The following CPAMD8 variants were observed in gnomAD, a reference collection of about 807,000 sequenced individuals.
CPAMD8 encodes C3 and PZP-like alpha-2-macroglobulin domain-containing protein 8.
A neutral mutation model predicts 224.7 loss-of-function variants in CPAMD8; 146 were observed. The ratio of observed to expected loss-of-function variants is 0.65; its 90% CI spans 0.57 to 0.75. The LOEUF (loss-of-function observed/expected upper bound fraction) is 0.75. Among genes scored for constraint, CPAMD8 ranks in the 30% least tolerant of loss-of-function variants. The probability of loss-of-function intolerance (pLI) is 0.00; values close to 1 mark genes in which losing one functional copy is unlikely to be tolerated. For missense variants in CPAMD8, 2,301 were observed against 2,537.5 expected (o/e 0.91, Z 2.00); for synonymous variants, 966 against 1,044.6 (o/e 0.92, Z 1.45).
At chr19:16,978,195 C>T (rs1415917525) in intron 14 of CPAMD8, among the ~76,000 whole-genome samples, 3 of 152,054 alleles carry the variant, frequency 2.0e-5, no homozygotes, top group African/African-American at 7.3e-5. Context: ...AGCGGGGACA[C>T]AAGGAAACTC....
intron 18 of CPAMD8, among the ~76,000 whole-genome samples, chr19:16,969,010 G>A (rs773092114): frequency 3.3e-5 from 5 of 152,166 alleles, no homozygotes; most frequent in Non-Finnish European, 7.3e-5. Context: ...TAGAGTTGGA[G>A]AAGAAGGAGA....
intron 10 of CPAMD8, among the ~76,000 whole-genome samples, chr19:16,999,717 T>C (rs961334979): frequency 6.6e-6 from 1 of 152,230 alleles, no homozygotes; most frequent in Non-Finnish European, 1.5e-5. Context: ...TCTCACTATG[T>C]TGCCCAGGCT....
chr19:16,902,895 A>T (rs778491439), intron 34 of CPAMD8, 32 bp from the exon 35 acceptor site: 2 of 1,428,658 alleles, frequency 1.4e-6, no homozygotes, highest in South Asian at 2.8e-5. Flanking sequence ...AGGCTTAGGG[A>T]CCTGGGCCCT....
intron 29 of CPAMD8, among the ~76,000 whole-genome samples, chr19:16,914,203 C>A (rs879329936): frequency 6.6e-6 from 1 of 152,080 alleles, no homozygotes; most frequent in Non-Finnish European, 1.5e-5. Flanking sequence ...CAACATGTGC[C>A]CAATTTCCCC....
At chr19:16,918,747 C>CTTTT (rs3029467) in intron 27 of CPAMD8, among the ~76,000 whole-genome samples, 1 of 127,492 alleles carries the variant, frequency 7.8e-6, no homozygotes. Flanking sequence ...CACACCCAGA[C>CTTTT]TTTTTTTTTT....
At chr19:17,017,035 A>G (rs539008615) in intron 3 of CPAMD8, among the ~76,000 whole-genome samples, 1 of 152,216 alleles carries the variant, frequency 6.6e-6, no homozygotes, top group East Asian at 1.9e-4. Context: ...TGGGTGAGCA[A>G]ATGAACCTTC....
intron 9 of CPAMD8, among the ~76,000 whole-genome samples, chr19:17,001,321 A>C (rs2056309566): frequency 8.9e-5 from 1 of 11,260 alleles, no homozygotes; most frequent in Non-Finnish European, 2.2e-4. Flanking sequence ...ACTCCGTCTG[A>C]AAAAAAAAAA....
At chr19:16,942,053 C>G (rs887171413) in intron 22 of CPAMD8, among the ~76,000 whole-genome samples, 1 of 152,116 alleles carries the variant, frequency 6.6e-6, no homozygotes, top group Non-Finnish European at 1.5e-5. Context: ...ATGTAAGACA[C>G]GCCTGCTTCT....
chr19:16,954,798 C>T (rs999396561), intron 19 of CPAMD8, among the ~76,000 whole-genome samples: 1 of 151,984 alleles, frequency 6.6e-6, no homozygotes, highest in Non-Finnish European at 1.5e-5. Flanking sequence ...TCCTGGTCAA[C>T]ATGGTGAAAC....
Position 16,928,004 on chromosome 19 carries a change from C to A in CPAMD8, c.3370+5G>T. 3 of 1,602,982 alleles carry A rather than the reference C, an allele frequency of 1.9e-6. No individual in the cohort carries two copies. The highest frequency in any genetic ancestry group is 2.6e-6 in the Non-Finnish European group (3 of 1,169,960). On this transcript the variant is annotated splice_donor_5th_base_variant and intron_variant, in intron 25 of 41. Coordinates refer to ENST00000443236, the MANE Select transcript of CPAMD8 (RefSeq NM_015692.5). Reference sequence around the variant, plus strand: ...TCTCCAAGCCAGGCTGTGGGACAGACGCACCGATGATGGAGGCGGTGGCTC... The same window carrying A: ...TCTCCAAGCCAGGCTGTGGGACAGAAGCACCGATGATGGAGGCGGTGGCTC...
At chr19:16,993,612 C>A (rs760863194) in intron 11 of CPAMD8, 26 bp from the exon 12 acceptor site, 1 of 1,610,866 alleles carries the variant, frequency 6.2e-7, no homozygotes, top group African/African-American at 1.3e-5. Flanking sequence ...CAAGACACAA[C>A]AGAGTTAAGA....
At chr19:16,962,722 C>A (rs1292241311) in intron 18 of CPAMD8, among the ~76,000 whole-genome samples, 1 of 152,068 alleles carries the variant, frequency 6.6e-6, no homozygotes, top group African/African-American at 2.4e-5. Context: ...GGAAGAGCAA[C>A]CCCAAGACAC....
Position 16,925,240 on chromosome 19 carries a change from A to T in CPAMD8, c.3503T>A (p.Leu1168His). 6.2e-7 allele frequency: 1 copy of T among 1,614,196 alleles called. No homozygotes were observed. Among genetic ancestry groups the T allele is most frequent in the Non-Finnish European group, 8.5e-7 (1 of 1,180,046 alleles). The change falls in exon 26 of 42, where the codon CTC becomes CAC. Residue 1168 changes from leucine to histidine, a missense_variant. Leu to His is a moderately conservative substitution (Grantham distance 99, BLOSUM62 -3). Around this residue, in one of 4 missense-constraint regions of CPAMD8, gnomAD observed 1,709 missense variants for 1,753.2 expected, o/e 0.97. Transcript: ENST00000443236. Reference sequence around the variant, plus strand: ...GGTCTCTCTCTCCACCTCAGGGCTGAGCTGCTGGGTTTTCTGAAGATACTT... The same window carrying T: ...GGTCTCTCTCTCCACCTCAGGGCTGTGCTGCTGGGTTTTCTGAAGATACTT... ...VLKYLQKTQQLSPEVERETTD... is the reference protein window; with the variant it reads ...VLKYLQKTQQHSPEVERETTD...
chr19:16,945,758 G>T, intron 21 of CPAMD8, 79 bp from the exon 22 acceptor site: 4 of 1,344,620 alleles, frequency 3.0e-6, no homozygotes, highest in South Asian at 1.2e-5. Flanking sequence ...CCTTATCCCA[G>T]ATGTGTGTGC....
chr19:16,900,441 C>CA (rs536517794), intron 36 of CPAMD8, among the ~76,000 whole-genome samples: 2 of 151,512 alleles, frequency 1.3e-5, no homozygotes, highest in Admixed American at 6.6e-5. Context: ...CTACTCAATA[C>CA]AAAAAAATTA....
chr19:16,993,347 CCCAGCCTGGGGGAGGCCCCAAGT>C, intron 12 of CPAMD8, 46 bp downstream of exon 12: 1 of 1,399,380 alleles, frequency 7.1e-7, no homozygotes. Context: ...GGTGCCTGCA[CCCAGCCTGGGGGAGGCCCCAAGT>C]CCATACCTGC....
At chr19:16,896,896 G>C (rs1033328594) in intron 39 of CPAMD8, 21 of 389,812 alleles carry the variant, frequency 5.4e-5, no homozygotes, top group Non-Finnish European at 8.6e-5. Context: ...GCGGTTGTAG[G>C]AGAGAAAGGA....
chr19:16,942,340 T>C (rs1352214443), intron 22 of CPAMD8, among the ~76,000 whole-genome samples: 3 of 151,922 alleles, frequency 2.0e-5, no homozygotes, highest in Admixed American at 6.6e-5. Context: ...TGCATGCCTG[T>C]AGTCCCCGCT....
chr19:16,920,787 T>C (rs567895173), intron 27 of CPAMD8, among the ~76,000 whole-genome samples: 30 of 142,952 alleles, frequency 2.1e-4, no homozygotes, highest in African/African-American at 7.9e-4. Context: ...ACCTAGGAGA[T>C]GGAGGTTGCA....
Sources: allele counts gnomAD v4.1 joint callset (sites outside exome capture counted in the v4.1 genomes callset), GRCh38; gene constraint gnomAD v4.1.1; regional missense constraint gnomAD v4.1.1; transcripts MANE v1.5; gene names NCBI Gene and HGNC (gene_info 2026-07-23, HGNC 2026-07-21).